CHGA: variants seen among roughly 807,000 people sequenced by gnomAD.
CHGA encodes chromogranin-A.
CHGA carries 41 observed loss-of-function variants against 54.4 expected under a neutral mutation model. The observed-to-expected ratio is 0.75, with a 90% CI of 0.59 to 0.98. The LOEUF is 0.98. CHGA is among the 50% of genes least tolerant of loss of function. The probability of loss-of-function intolerance (pLI) is 0.00; values close to 1 mark genes in which losing one functional copy is unlikely to be tolerated. For synonymous variants in CHGA, 249 were observed against 232.8 expected (o/e 1.07, Z -0.63); for missense variants, 576 against 582.3 (o/e 0.99, Z 0.11).
rs776239669 is a variant in CHGA at position 92,929,864 on chromosome 14, G to A, written c.355+49G>A. The A allele has an allele frequency of 2.0e-6, 3 of 1,483,472 alleles. No individual in the cohort carries two copies. In the South Asian group the frequency reaches 3.4e-5, roughly 17 times the overall value. 91.9% of individuals were successfully genotyped at this position (1,483,472 alleles called of 1,614,324 possible). A position where few individuals can be genotyped will look rare whatever the true frequency, so the allele number is the denominator to read the frequency against. ...GAGGTGGGGAAGGGAGGGTGGCAGT[G>A]GGAACAGTGGCTATGATGGACCCAG... On this transcript the variant is annotated intron_variant, in intron 5 of 7. Transcript: ENST00000216492.
chr14:92,927,515 T>C (rs1220504076), intron 3 of CHGA, 35 bp from the exon 4 acceptor site: 3 of 1,566,176 alleles, frequency 1.9e-6, no homozygotes, highest in African/African-American at 2.7e-5. Context: ...GGCTGTTCTC[T>C]GGAAACCACC....
chr14:92,931,141 C>A, intron 5 of CHGA, 109 bp from the exon 6 acceptor site: 1 of 1,155,574 alleles, frequency 8.7e-7, no homozygotes, highest in Non-Finnish European at 1.2e-6. Context: ...CTGGGCTGGG[C>A]TCGCTGGAAG....
intron 6 of CHGA, 97 bp downstream of exon 6, chr14:92,931,799 A>C: frequency 1.6e-6 from 2 of 1,234,092 alleles, no homozygotes; most frequent in Non-Finnish European, 2.3e-6. Flanking sequence ...CTTCATAACA[A>C]CCCTGAAAGG....
At chr14:92,928,672 G>C (rs926193971) in intron 4 of CHGA, among the ~76,000 whole-genome samples, 1 of 152,204 alleles carries the variant, frequency 6.6e-6, no homozygotes, top group Non-Finnish European at 1.5e-5. Context: ...TAAATAGACT[G>C]TCAACAGAGA....
rs369711214 is a variant in CHGA at position 92,929,730 on chromosome 14, G to A, written c.270G>A (p.Arg90=). Residue 90 remains arginine (R), a synonymous_variant, in exon 5 of 8, where the codon AGG becomes AGA. Transcript: ENST00000216492. ...QDLALQGAKE[R]AHQQKKHSGF... ...TTCTCATACCAGGCGCCAAGGAGAGGGCACATCAGCAGAAGAAACACAGCG... is the reference window on the plus strand; with the variant it reads ...TTCTCATACCAGGCGCCAAGGAGAGAGCACATCAGCAGAAGAAACACAGCG... 1 of 1,613,962 alleles carries A rather than the reference G, an allele frequency of 6.2e-7. No individual in the cohort carries two copies.
intron 7 of CHGA, among the ~76,000 whole-genome samples, chr14:92,933,767 C>T (rs977228620): frequency 4.6e-5 from 7 of 152,204 alleles, no homozygotes; most frequent in Admixed American, 3.3e-4. Context: ...CATCTGCCCA[C>T]GTGCCTGGGA....
In CHGA at chr14:92,931,575, A is replaced by G; in HGVS notation, c.681A>G (p.Arg227=). The part of the protein sequence containing the change: ...LSAEPGWQAK[R]EEEEEEEEEA... ...CAGAGCCAGGGTGGCAGGCAAAGAG[A>G]GAAGAGGAGGAGGAGGAGGAGGAGG... Residue 227 remains arginine, a synonymous_variant, in exon 6 of 8, where the codon AGA becomes AGG. Transcript: ENST00000216492. 3 of 1,611,844 alleles carry G rather than the reference A, an allele frequency of 1.9e-6. No individual in the cohort carries two copies. Among genetic ancestry groups the G allele is most frequent in the Non-Finnish European group, 2.5e-6 (3 of 1,179,560 alleles).
chr14:92,923,471 C>T, intron 1 of CHGA, 66 bp downstream of exon 1: 1 of 1,208,294 alleles, frequency 8.3e-7, no homozygotes, highest in Non-Finnish European at 1.0e-6. Context: ...GAGGTCCGGG[C>T]ACCGCGCGGC....
intron 3 of CHGA, among the ~76,000 whole-genome samples, chr14:92,926,958 C>A (rs1886898379): frequency 6.6e-6 from 1 of 152,232 alleles, no homozygotes; most frequent in Non-Finnish European, 1.5e-5. Context: ...AGGGCTGAAA[C>A]AGCAAGCCCC....
chr14:92,931,673 T>C lies in CHGA; in HGVS notation c.779T>C (p.Leu260Pro). 2 of 1,589,552 alleles carry C rather than the reference T, an allele frequency of 1.3e-6. No homozygotes were observed. Among genetic ancestry groups the C allele is most frequent in the Non-Finnish European group, 1.7e-6 (2 of 1,164,524 alleles). The change falls in exon 6 of 8, where the codon CTT becomes CCT. Residue 260 changes from leucine to proline, a missense_variant. Leu to Pro is a moderately conservative substitution (Grantham distance 98, BLOSUM62 -3). Coordinates refer to ENST00000216492, the MANE Select transcript of CHGA (RefSeq NM_001275.4). ...GTAGTGCTGAACCCCCACCCGAGCC[T>C]TGGCTACAAGGAGATCCGGAAAGGC... The part of the protein sequence containing the change: ...PTVVLNPHPS[L>P]GYKEIRKGES...
chr14:92,930,052 G>A (rs759380448), intron 5 of CHGA, among the ~76,000 whole-genome samples: 5 of 152,220 alleles, frequency 3.3e-5, no homozygotes, highest in African/African-American at 7.2e-5. Flanking sequence ...GCTCGGTCCC[G>A]TCTGCCCAGA....
chr14:92,929,686 A>G (rs767597237), intron 4 of CHGA, 31 bp from the exon 5 acceptor site: 3 of 1,598,178 alleles, frequency 1.9e-6, no homozygotes, highest in South Asian at 2.2e-5. Context: ...GCTGCACCCA[A>G]TGGGACTTTT....
upstream of CHGA, chr14:92,923,076 G>T: frequency 3.6e-6 from 1 of 281,288 alleles, no homozygotes; most frequent in Non-Finnish European, 6.6e-6. Context: ...AGTGGGGAAA[G>T]GGGAAGGGGG....
chr14:92,927,475 G>A, intron 3 of CHGA, 75 bp from the exon 4 acceptor site: 1 of 1,259,244 alleles, frequency 7.9e-7, no homozygotes, highest in Non-Finnish European at 1.1e-6. Context: ...CTTGTGCTCA[G>A]CTGAAAATAT....
chr14:92,934,499 A>G (rs1887076895), intron 7 of CHGA, among the ~76,000 whole-genome samples: 1 of 152,242 alleles, frequency 6.6e-6, no homozygotes, highest in African/African-American at 2.4e-5. Flanking sequence ...TTTGTTTTCC[A>G]TGTGCCCTAA....
intron 4 of CHGA, among the ~76,000 whole-genome samples, chr14:92,929,159 G>A (rs901548943): frequency 6.6e-6 from 1 of 152,228 alleles, no homozygotes; most frequent in African/African-American, 2.4e-5. Context: ...ATGGCTGCAG[G>A]CGCCAACCCT....
chr14:92,924,996 A>G (rs1016849262), intron 2 of CHGA, among the ~76,000 whole-genome samples: 2 of 152,204 alleles, frequency 1.3e-5, no homozygotes, highest in African/African-American at 4.8e-5. Context: ...TAGACACCAC[A>G]GTTAAAATCC....
At position 92,927,589 on chromosome 14, in the gene CHGA, T is replaced by G. The variant is rs1886912178; in HGVS notation, c.227T>G (p.Leu76Arg). 1.2e-6 allele frequency: 2 copies of G among 1,613,910 alleles called. No homozygotes were observed. The highest frequency in any genetic ancestry group is 2.2e-5 in the South Asian group (2 of 91,038). ...TCCATTCTGAGACATCAGAATTTAC[T>G]GAAGGAGCTCCAAGACCTCGCTCTC... Reference protein sequence around the residue: ...ILSILRHQNLLKELQDLALQG... With the variant: ...ILSILRHQNLRKELQDLALQG... The change falls in exon 4 of 8, where the codon CTG (leucine) becomes CGG (arginine). Residue 76 changes from leucine to arginine, a missense_variant. Coordinates refer to ENST00000216492, the MANE Select transcript of CHGA (RefSeq NM_001275.4).
chr14:92,924,126 T>A, intron 1 of CHGA, 73 bp from the exon 2 acceptor site: 1 of 1,538,154 alleles, frequency 6.5e-7, no homozygotes, highest in African/African-American at 1.4e-5. Flanking sequence ...CGGGCCCCAG[T>A]GAGCCCGGTC....
Sources: gnomAD v4.1 joint callset for allele counts (sites outside exome capture counted in the v4.1 genomes callset) on GRCh38, gnomAD v4.1.1 for gene constraint, MANE v1.5 for transcripts, NCBI Gene and HGNC (gene_info 2026-07-23, HGNC 2026-07-21) for gene names.